KCNH7: variants seen among roughly 807,000 people sequenced by gnomAD.
KCNH7 encodes the protein voltage-gated inwardly rectifying potassium channel KCNH7.
A neutral mutation model predicts 120.8 loss-of-function variants in KCNH7; 49 were observed. The ratio of observed to expected loss-of-function variants is 0.41; its 90% CI spans 0.32 to 0.51. KCNH7 has a LOEUF of 0.51. Among genes scored for constraint, KCNH7 ranks in the 20% least tolerant of loss-of-function variants. KCNH7 has a pLI of 0.38. For synonymous variants in KCNH7, 547 were observed against 516.1 expected, an observed-to-expected ratio of 1.06 and a Z score of -0.81; for missense variants, 1,097 against 1,446.6, an observed-to-expected ratio of 0.76 and a Z score of 3.92.
chr2:162,590,478 C>A (rs1227477797), intron 2 of KCNH7, among the ~76,000 whole-genome samples: 1 of 152,088 alleles, frequency 6.6e-6, no homozygotes, highest in Non-Finnish European at 1.5e-5. Context: ...ATGGATCATA[C>A]CTAACTTGAC....
intron 5 of KCNH7, among the ~76,000 whole-genome samples, chr2:162,508,054 T>C (rs1477824610): frequency 6.6e-6 from 1 of 151,588 alleles, no homozygotes; most frequent in Non-Finnish European, 1.5e-5. Context: ...TGTAAACTGT[T>C]TTTCTTTTAT....
chr2:162,477,022 G>T (rs978575651), intron 6 of KCNH7, among the ~76,000 whole-genome samples: 2 of 152,114 alleles, frequency 1.3e-5, no homozygotes, highest in African/African-American at 4.8e-5. Flanking sequence ...GCATCTAAGG[G>T]CTTAGGCTAG....
At chr2:162,553,734 T>C (rs930483289) in intron 2 of KCNH7, among the ~76,000 whole-genome samples, 29 of 152,174 alleles carry the variant, frequency 1.9e-4, no homozygotes, top group Admixed American at 9.8e-4. Flanking sequence ...ACAAAAGGTT[T>C]GCGGAAAATA....
chr2:162,731,198 G>T (rs1687715965), intron 2 of KCNH7, among the ~76,000 whole-genome samples: 1 of 147,848 alleles, frequency 6.8e-6, no homozygotes, highest in Admixed American at 6.8e-5. Flanking sequence ...ACTCTTAAAG[G>T]ATTCATGTCC....
At chr2:162,507,991 G>GTTTTCTAGTGAAGTTATA (rs1277431906) in intron 5 of KCNH7, among the ~76,000 whole-genome samples, 1 of 151,430 alleles carries the variant, frequency 6.6e-6, no homozygotes, top group Non-Finnish European at 1.5e-5. Flanking sequence ...ATTGTGTTAT[G>GTTTTCTAGTGAAGTTATA]TTTTCTAGTG....
intron 2 of KCNH7, among the ~76,000 whole-genome samples, chr2:162,695,283 T>G (rs900191546): frequency 6.6e-6 from 1 of 152,150 alleles, no homozygotes; most frequent in African/African-American, 2.4e-5. Context: ...CAGAATATTT[T>G]TATGTCTCTA....
intron 2 of KCNH7, among the ~76,000 whole-genome samples, chr2:162,574,617 C>A (rs535396296): frequency 1.3e-5 from 2 of 152,172 alleles, no homozygotes; most frequent in East Asian, 3.9e-4. Context: ...ATGCCACTGG[C>A]ACTTTCTAGA....
chr2:162,662,953 A>G (rs1260861992), intron 2 of KCNH7, among the ~76,000 whole-genome samples: 1 of 152,238 alleles, frequency 6.6e-6, no homozygotes, highest in Non-Finnish European at 1.5e-5. Context: ...TACTCCTCTG[A>G]TGCCTTTCCA....
chr2:162,557,777 C>T (rs1692910096), intron 2 of KCNH7, among the ~76,000 whole-genome samples: 1 of 152,014 alleles, frequency 6.6e-6, no homozygotes, highest in Non-Finnish European at 1.5e-5. Flanking sequence ...CTACTTTACA[C>T]TTCTGAAAGT....
chr2:162,774,906 T>C (rs1450963611), intron 2 of KCNH7, among the ~76,000 whole-genome samples: 2 of 152,174 alleles, frequency 1.3e-5, no homozygotes, highest in Non-Finnish European at 2.9e-5. Flanking sequence ...GACACTTTAA[T>C]AGTAGCACAA....
chr2:162,613,448 C>A (rs1683035857), intron 2 of KCNH7, among the ~76,000 whole-genome samples: 1 of 151,878 alleles, frequency 6.6e-6, no homozygotes, highest in South Asian at 2.1e-4. Flanking sequence ...AAAATTCTAA[C>A]CCACAAAAAA....
chr2:162,532,214 T>G (rs1691948159), intron 3 of KCNH7, among the ~76,000 whole-genome samples: 1 of 151,908 alleles, frequency 6.6e-6, no homozygotes, highest in South Asian at 2.1e-4. Context: ...AAAAGCACAC[T>G]GCAACAGAGA....
At chr2:162,592,510 A>C (rs1230969052) in intron 2 of KCNH7, among the ~76,000 whole-genome samples, 1 of 152,012 alleles carries the variant, frequency 6.6e-6, no homozygotes, top group Admixed American at 6.6e-5. Context: ...TCTTGGCTAT[A>C]GGCTATGGGC....
chr2:162,380,119 A>G (rs139900010), intron 13 of KCNH7, 98 bp from the exon 14 acceptor site: 57 of 1,405,000 alleles, frequency 4.1e-5, no homozygotes, highest in Middle Eastern at 1.8e-4. Flanking sequence ...GGATCGGAGT[A>G]TAACCTGAGA....
intron 2 of KCNH7, among the ~76,000 whole-genome samples, chr2:162,667,847 A>T (rs1398372729): frequency 1.3e-5 from 2 of 152,178 alleles, no homozygotes; most frequent in African/African-American, 4.8e-5. Flanking sequence ...GAATATACTA[A>T]GTTCATTGAA....
Position 162,544,714 on chromosome 2 carries a change from C to T in KCNH7, c.308-7634G>A, listed in dbSNP as rs185386217. Among the ~76,000 whole-genome samples, 3 of 152,190 alleles carry T rather than the reference C, an allele frequency of 2.0e-5. No individual in the cohort carries two copies. The East Asian group carries it at 5.8e-4, about 30-fold the overall frequency. ...CTTGCAGCCTTGTCCATTTCCACCCCACTGCACTCCTAACTTAGGCATAAT... is the reference window on the plus strand; with the variant it reads ...CTTGCAGCCTTGTCCATTTCCACCCTACTGCACTCCTAACTTAGGCATAAT... On this transcript the variant is annotated intron_variant, in intron 2 of 15. Transcript: ENST00000332142.
At chr2:162,733,750 G>C (rs1220909094) in intron 2 of KCNH7, among the ~76,000 whole-genome samples, 1 of 152,158 alleles carries the variant, frequency 6.6e-6, no homozygotes, top group South Asian at 2.1e-4. Context: ...CTAAAAAGAA[G>C]GAGCATTTGA....
intron 2 of KCNH7, among the ~76,000 whole-genome samples, chr2:162,601,483 T>TA (rs1404414650): frequency 2.4e-5 from 3 of 125,016 alleles, no homozygotes; most frequent in Non-Finnish European, 4.8e-5. Flanking sequence ...AGGACACAAA[T>TA]AACCTTTAAT....
intron 3 of KCNH7, among the ~76,000 whole-genome samples, chr2:162,525,558 T>A (rs1182823864): frequency 6.6e-6 from 1 of 151,936 alleles, no homozygotes; most frequent in African/African-American, 2.4e-5. Context: ...CCTAATTAAG[T>A]TTCTATGTGC....
Sources: gnomAD v4.1 joint callset for allele counts (sites outside exome capture counted in the v4.1 genomes callset) on GRCh38, gnomAD v4.1.1 for gene constraint, MANE v1.5 for transcripts, NCBI Gene and HGNC (gene_info 2026-07-23, HGNC 2026-07-21) for gene names.